The following FOXP2 variants were observed in gnomAD, a reference collection of about 807,000 sequenced individuals.
FOXP2 encodes forkhead box protein P2.
Under a neutral mutation model 115.8 loss-of-function variants are expected in FOXP2, and 12 were observed. The observed-to-expected ratio is 0.10, with a 90% CI of 0.07 to 0.17. FOXP2 has a LOEUF of 0.17. FOXP2 is among the 10% of genes least tolerant of loss of function. FOXP2 has a pLI of 1.00. For synonymous variants in FOXP2, 328 were observed against 297.7 expected (o/e 1.10, Z -1.05); for missense variants, 629 against 843.5 (o/e 0.75, Z 3.15).
intron 3 of FOXP2, among the ~76,000 whole-genome samples, chr7:114,554,561 G>C (rs544409717): frequency 6.6e-6 from 1 of 151,924 alleles, no homozygotes; most frequent in East Asian, 1.9e-4. Context: ...TTTAGTATGT[G>C]TATAATCATT....
intron 3 of FOXP2, among the ~76,000 whole-genome samples, chr7:114,610,212 G>A (rs905128516): frequency 1.3e-5 from 2 of 152,194 alleles, no homozygotes; most frequent in African/African-American, 4.8e-5. Flanking sequence ...GAACTGTGTT[G>A]TTGGGAGACT....
chr7:114,598,921 T>C (rs1221553026), intron 3 of FOXP2, among the ~76,000 whole-genome samples: 1 of 152,172 alleles, frequency 6.6e-6, no homozygotes, highest in African/African-American at 2.4e-5. Flanking sequence ...AATTGTTTTT[T>C]ATATGTTGAC....
At chr7:114,105,393 G>A (rs192682172) in intron 1 of FOXP2, among the ~76,000 whole-genome samples, 1 of 152,106 alleles carries the variant, frequency 6.6e-6, no homozygotes, top group African/African-American at 2.4e-5. Flanking sequence ...GTTTGGAATT[G>A]GGAATACACG....
intron 1 of FOXP2, among the ~76,000 whole-genome samples, chr7:114,421,492 T>C (rs542718634): frequency 3.3e-5 from 5 of 151,828 alleles, no homozygotes; most frequent in Non-Finnish European, 7.4e-5. Flanking sequence ...AATGAAAGTC[T>C]GAATTTTTAC....
intron 3 of FOXP2, among the ~76,000 whole-genome samples, chr7:114,586,929 A>G (rs1802165006): frequency 6.6e-6 from 1 of 152,184 alleles, no homozygotes; most frequent in Non-Finnish European, 1.5e-5. Context: ...TGTACTTTGT[A>G]CTAGTAAAGG....
At chr7:114,109,190 T>C (rs1584483730) in intron 1 of FOXP2, among the ~76,000 whole-genome samples, 1 of 136,360 alleles carries the variant, frequency 7.3e-6, no homozygotes, top group Non-Finnish European at 1.5e-5. Context: ...TGTTGTATAA[T>C]ATGTGTTGAA....
At chr7:114,602,369 A>G (rs1803076780) in intron 3 of FOXP2, among the ~76,000 whole-genome samples, 1 of 151,938 alleles carries the variant, frequency 6.6e-6, no homozygotes, top group Non-Finnish European at 1.5e-5. Flanking sequence ...CTGTGTCTTT[A>G]TATTTAACTT....
chr7:114,564,489 G>A (rs1800905539), intron 3 of FOXP2, among the ~76,000 whole-genome samples: 1 of 152,098 alleles, frequency 6.6e-6, no homozygotes, highest in South Asian at 2.1e-4. Flanking sequence ...TCATAGGAAT[G>A]TAGGCAACAC....
Position 114,628,687 on chromosome 7 carries a change from G to T in FOXP2, c.396+10G>T, listed in dbSNP as rs1346070329. 6.2e-7 allele frequency: 1 copy of T among 1,613,892 alleles called. No homozygotes were observed. The highest frequency in any genetic ancestry group is 1.1e-5 in the South Asian group (1 of 91,078). On this transcript the variant is annotated intron_variant, in intron 4 of 16. Coordinates refer to ENST00000350908, the MANE Select transcript of FOXP2 (RefSeq NM_014491.4). ...TGTCATGCTGCAGCAGGTAATGTGG[G>T]TTACCTGCTTTGGTGTTCTAGCATG...
intron 8 of FOXP2, 138 bp from the exon 9 acceptor site, chr7:114,652,065 T>G (rs1806292761): frequency 2.6e-6 from 2 of 767,466 alleles, no homozygotes; most frequent in South Asian, 3.0e-5. Flanking sequence ...CTTTAACTTT[T>G]ATCTGTATGG....
chr7:114,165,191 A>C (rs1707214278), intron 1 of FOXP2, among the ~76,000 whole-genome samples: 1 of 152,112 alleles, frequency 6.6e-6, no homozygotes, highest in Non-Finnish European at 1.5e-5. Flanking sequence ...TTGATGAGAA[A>C]CTGGATGCTT....
chr7:114,686,131 T>C (rs1047213705), intron 16 of FOXP2, among the ~76,000 whole-genome samples: 1 of 151,278 alleles, frequency 6.6e-6, no homozygotes, highest in Non-Finnish European at 1.5e-5. Flanking sequence ...AAATAATAAG[T>C]TTTTTTTATA....
chr7:114,347,264 A>T (rs1225966727), intron 2 of FOXP2, among the ~76,000 whole-genome samples: 1 of 151,988 alleles, frequency 6.6e-6, no homozygotes, highest in Non-Finnish European at 1.5e-5. Flanking sequence ...TTTGAAGGAT[A>T]AGGTACATGT....
intron 3 of FOXP2, among the ~76,000 whole-genome samples, chr7:114,578,398 G>C (rs1801679578): frequency 6.6e-6 from 1 of 151,734 alleles, no homozygotes; most frequent in Non-Finnish European, 1.5e-5. Flanking sequence ...GAGCTAAAAG[G>C]GGCCTTATAG....
chr7:114,118,310 C>T (rs1791464806), intron 1 of FOXP2, among the ~76,000 whole-genome samples: 1 of 152,016 alleles, frequency 6.6e-6, no homozygotes, highest in Admixed American at 6.6e-5. Context: ...TGAAATTTGT[C>T]TTCATTAGAG....
At chr7:114,114,517 T>C (rs1245517275) in intron 1 of FOXP2, among the ~76,000 whole-genome samples, 1 of 152,070 alleles carries the variant, frequency 6.6e-6, no homozygotes, top group Non-Finnish European at 1.5e-5. Flanking sequence ...CGGACTAAGA[T>C]ATATGAGTCT....
intron 3 of FOXP2, among the ~76,000 whole-genome samples, chr7:114,554,442 G>A (rs182290699): frequency 2.0e-5 from 3 of 152,138 alleles, no homozygotes; most frequent in Admixed American, 2.0e-4. Context: ...AATGAAACTT[G>A]GTTCTGCCTT....
intron 1 of FOXP2, among the ~76,000 whole-genome samples, chr7:114,275,044 A>G (rs1284239783): frequency 6.6e-6 from 1 of 151,806 alleles, no homozygotes; most frequent in African/African-American, 2.4e-5. Flanking sequence ...TTTTTTCTGT[A>G]TAAGTAAGGT....
chr7:114,585,526 A>G (rs948663902), intron 3 of FOXP2, among the ~76,000 whole-genome samples: 1 of 151,572 alleles, frequency 6.6e-6, no homozygotes, highest in African/African-American at 2.4e-5. Flanking sequence ...CAGTTAATTT[A>G]TGCTCATTAA....
Sources: gnomAD v4.1 joint callset for allele counts (sites outside exome capture counted in the v4.1 genomes callset) on GRCh38, gnomAD v4.1.1 for gene constraint, MANE v1.5 for transcripts, NCBI Gene and HGNC (gene_info 2026-07-23, HGNC 2026-07-21) for gene names.